CBLN2: variants seen among roughly 807,000 people sequenced by gnomAD.
CBLN2 encodes the protein cerebellin-2.
Under a neutral mutation model 15.0 loss-of-function variants are expected in CBLN2, and 7 were observed. The ratio of observed to expected loss-of-function variants is 0.47; its 90% CI spans 0.27 to 0.88. CBLN2 has a LOEUF of 0.88. Ranked by LOEUF, CBLN2 falls within the 40% of genes least tolerant of loss-of-function variation. The pLI is 0.14. For synonymous variants in CBLN2, 149 were observed against 135.2 expected (o/e 1.10, Z -0.71); for missense variants, 242 against 304.5 (o/e 0.79, Z 1.53).
intron 1 of CBLN2, among the ~76,000 whole-genome samples, chr18:72,558,461 A>G (rs954392535): frequency 1.2e-4 from 18 of 152,190 alleles, no homozygotes; most frequent in African/African-American, 4.3e-4. Flanking sequence ...CTAACAGGTT[A>G]GCTGAGCACT....
chr18:72,584,282 G>T (rs578103187), intron 1 of CBLN2, among the ~76,000 whole-genome samples: 1 of 151,076 alleles, frequency 6.6e-6, no homozygotes, highest in Non-Finnish European at 1.5e-5. Flanking sequence ...CCACCCTCTT[G>T]GCTCTCTTCA....
chr18:72,542,209 G>C lies in CBLN2; in HGVS notation c.-49C>G, dbSNP rs2069120449. Reference sequence around the variant, plus strand: ...CGGGGGTGGAGGCCGGCGCCGGCGCGAGCGGCGCGGAAGGGCGCGAAGGAA... The same window carrying C: ...CGGGGGTGGAGGCCGGCGCCGGCGCCAGCGGCGCGGAAGGGCGCGAAGGAA... On this transcript the variant is annotated 5_prime_UTR_variant, in exon 3 of 5. Transcript: ENST00000269503. The C allele has an allele frequency of 4.3e-6, 5 of 1,154,012 alleles. No homozygotes were observed. Among genetic ancestry groups the C allele is most frequent in the African/African-American group, 1.6e-5 (1 of 61,346 alleles). The allele number at this position is 1,154,012 out of a possible 1,614,324, so 71.5% of individuals were successfully genotyped here.
chr18:72,573,218 C>T (rs762042321), intron 1 of CBLN2, among the ~76,000 whole-genome samples: 8 of 152,214 alleles, frequency 5.3e-5, no homozygotes, highest in East Asian at 1.9e-4. Context: ...TGGAGACAGA[C>T]GCAAGTTTTG....
chr18:72,573,177 T>C (rs1201912631), intron 1 of CBLN2, among the ~76,000 whole-genome samples: 1 of 152,198 alleles, frequency 6.6e-6, no homozygotes, highest in African/African-American at 2.4e-5. Context: ...TAAAATCTGC[T>C]CAGATGGCCC....
chr18:72,611,365 G>A (rs900262554), intron 1 of CBLN2, among the ~76,000 whole-genome samples: 1 of 152,182 alleles, frequency 6.6e-6, no homozygotes, highest in African/African-American at 2.4e-5. Context: ...CACCAGTAGT[G>A]TATAAGCATT....
chr18:72,605,244 C>T (rs1032787580), intron 1 of CBLN2, among the ~76,000 whole-genome samples: 4 of 152,090 alleles, frequency 2.6e-5, no homozygotes, highest in Non-Finnish European at 5.9e-5. Flanking sequence ...AACATTTGAA[C>T]ACGCTGTGGA....
chr18:72,623,097 G>A (rs140592019), intron 1 of CBLN2, among the ~76,000 whole-genome samples: 14 of 152,208 alleles, frequency 9.2e-5, no homozygotes, highest in African/African-American at 2.4e-4. Context: ...GGAAGAGAGC[G>A]AAGGGGGAGG....
chr18:72,558,288 G>T (rs1348996859), intron 1 of CBLN2, among the ~76,000 whole-genome samples: 2 of 152,242 alleles, frequency 1.3e-5, no homozygotes, highest in East Asian at 3.9e-4. Flanking sequence ...CTCTGGGTTT[G>T]GTGCTTGTCA....
intron 1 of CBLN2, among the ~76,000 whole-genome samples, chr18:72,625,717 TATATATATAC>T (rs202022463): frequency 0.21 from 11,979 of 57,346 alleles, 1,144 homozygotes; most frequent in African/African-American, 0.37. Context: ...TATATATATA[TATATATATAC>T]ACACTCTTGT....
intron 1 of CBLN2, among the ~76,000 whole-genome samples, chr18:72,605,405 A>C (rs947163575): frequency 1.3e-5 from 2 of 152,218 alleles, no homozygotes; most frequent in Non-Finnish European, 1.5e-5. Context: ...TTAGAAACTA[A>C]ACCCAACTGG....
chr18:72,595,396 T>TA (rs1171763938), intron 1 of CBLN2, among the ~76,000 whole-genome samples: 1 of 152,136 alleles, frequency 6.6e-6, no homozygotes, highest in Non-Finnish European at 1.5e-5. Context: ...AGAAGATAAT[T>TA]AATATAATTT....
rs1281614875 is a variant in CBLN2, at chr18:72,538,754, T to G, written c.376A>C (p.Asn126His). The G allele has an allele frequency of 1.2e-6, 2 of 1,613,804 alleles. No homozygotes were observed. The highest frequency in any genetic ancestry group is 1.7e-6 in the Non-Finnish European group (2 of 1,180,002). The change falls in exon 4 of 5, where the codon AAC becomes CAC. Residue 126 changes from asparagine (N) to histidine (H), a missense_variant. By Grantham distance (68) the Asn-to-His change is moderately conservative (BLOSUM62 1). Around this residue, in one of 4 missense-constraint regions of CBLN2, gnomAD observed 89 missense variants for 114.2 expected, o/e 0.78. Coordinates refer to ENST00000269503, the MANE Select transcript of CBLN2 (RefSeq NM_182511.4). ...YFDQVLVNIG[N>H]HFDLASSIFV... is the part of the protein sequence containing the mutation. ...ATACTGGAAGCAAGATCAAAGTGGT[T>G]GCCAATATTTACTAATACCTGAAAA...
chr18:72,586,647 A>G (rs955823310), intron 1 of CBLN2, among the ~76,000 whole-genome samples: 25 of 152,328 alleles, frequency 1.6e-4, no homozygotes, highest in African/African-American at 5.8e-4. Flanking sequence ...GTTCAGTACT[A>G]TTCATGAAGA....
intron 1 of CBLN2, among the ~76,000 whole-genome samples, chr18:72,583,551 A>C (rs2069421427): frequency 6.6e-6 from 1 of 152,180 alleles, no homozygotes; most frequent in South Asian, 2.1e-4. Flanking sequence ...CTATTTTTTC[A>C]ACTTAAAAAC....
chr18:72,538,588 G>A, intron 4 of CBLN2, 65 bp downstream of exon 4: 9 of 1,597,918 alleles, frequency 5.6e-6, no homozygotes, highest in African/African-American at 1.3e-5. Flanking sequence ...ACCAGGTGAA[G>A]GGGCCTTTAG....
At chr18:72,598,373 G>A (rs1384914061) in intron 1 of CBLN2, among the ~76,000 whole-genome samples, 1 of 152,180 alleles carries the variant, frequency 6.6e-6, no homozygotes, top group Non-Finnish European at 1.5e-5. Flanking sequence ...AGGGCCTCGG[G>A]ACTCTGCCTG....
Position 72,571,520 on chromosome 18 carries a change from C to T in CBLN2, c.16-32748G>A, listed in dbSNP as rs188620361. On this transcript the variant is annotated intron_variant, in intron 1 of 2. Coordinates refer to the CBLN2 transcript ENST00000581073. ...TTATGGAGTAAGTAAATAAATCAGC[C>T]TGTTAAGTGCAGTGAAAGAAAATGA... Among the ~76,000 whole-genome samples, 293 of 152,312 alleles carry T rather than the reference C, an allele frequency of 1.9e-3. 5 individuals carry two copies. Among genetic ancestry groups the T allele is most frequent in the Admixed American group, 7.8e-3 (119 of 15,288 alleles).
At chr18:72,584,861 G>T (rs2069431870) in intron 1 of CBLN2, among the ~76,000 whole-genome samples, 1 of 152,172 alleles carries the variant, frequency 6.6e-6, no homozygotes, top group Admixed American at 6.5e-5. Flanking sequence ...GGCCCACTGG[G>T]CTCATTCTAC....
At chr18:72,618,355 T>C in intron 1 of CBLN2, 1 of 487,498 alleles carries the variant, frequency 2.1e-6, no homozygotes, top group Non-Finnish European at 3.8e-6. Context: ...AATGAGAGCC[T>C]GAAGAGCCAC....
Sources: allele counts gnomAD v4.1 joint callset (sites outside exome capture counted in the v4.1 genomes callset), GRCh38; gene constraint gnomAD v4.1.1; regional missense constraint gnomAD v4.1.1; transcripts MANE v1.5; gene names NCBI Gene and HGNC (gene_info 2026-07-23, HGNC 2026-07-21).